Variants in MARCHF8 observed in about 807,000 individuals in gnomAD.
MARCHF8 encodes membrane associated ring-CH-type finger 8.
Under a neutral mutation model 51.6 loss-of-function variants are expected in MARCHF8, and 40 were observed. The observed-to-expected ratio is 0.77, with a 90% CI of 0.60 to 1.01. The LOEUF (loss-of-function observed/expected upper bound fraction) is 1.01. Among genes scored for constraint, MARCHF8 ranks in the 50% least tolerant of loss-of-function variants. MARCHF8 has a pLI of 0.00. For synonymous variants in MARCHF8, 263 were observed against 280.3 expected, an observed-to-expected ratio of 0.94 and a Z score of 0.62; for missense variants, 685 against 708.6, an observed-to-expected ratio of 0.97 and a Z score of 0.38.
chr10:45,478,992 A>G (rs545028599), intron 3 of MARCHF8, among the ~76,000 whole-genome samples: 2 of 152,366 alleles, frequency 1.3e-5, no homozygotes, highest in African/African-American at 4.8e-5. Flanking sequence ...TCCTTAACTC[A>G]TTCTACTAGA....
chr10:45,461,415 T>C lies in MARCHF8; in HGVS notation c.1089-4A>G. On this transcript the variant is annotated splice_region_variant and splice_polypyrimidine_tract_variant and intron_variant, in intron 5 of 7. Transcript: ENST00000453424. ...ATCTCCTTCACAGTGGCAGATCCTA[T>C]GGTGGAAGGAAAACCTGTCATTCCA... 1 of 1,542,410 alleles carries C rather than the reference T, an allele frequency of 6.5e-7. No homozygotes were observed. Among genetic ancestry groups the C allele is most frequent in the Non-Finnish European group, 8.7e-7 (1 of 1,145,520 alleles).
chr10:45,525,233 G>A (rs1310549481), intron 2 of MARCHF8, among the ~76,000 whole-genome samples: 3 of 152,262 alleles, frequency 2.0e-5, no homozygotes, highest in Admixed American at 2.0e-4. Context: ...TCCTGATGCT[G>A]CATGGTAAAA....
intron 5 of MARCHF8, 35 bp downstream of exon 5, chr10:45,463,116 G>A: frequency 6.5e-7 from 1 of 1,530,816 alleles, no homozygotes; most frequent in Non-Finnish European, 8.8e-7. Context: ...GATGCGAGCA[G>A]AGATGGCTAG....
intron 3 of MARCHF8, among the ~76,000 whole-genome samples, chr10:45,485,560 T>G (rs1342408072): frequency 6.6e-6 from 1 of 152,208 alleles, no homozygotes; most frequent in African/African-American, 2.4e-5. Context: ...CATAAACATC[T>G]CATCCAACCT....
intron 2 of MARCHF8, among the ~76,000 whole-genome samples, chr10:45,527,862 A>G (rs1461641552): frequency 1.3e-5 from 2 of 152,224 alleles, no homozygotes; most frequent in Non-Finnish European, 2.9e-5. Flanking sequence ...AGAAAATACT[A>G]GCAAACCAAA....
chr10:45,549,102 C>T (rs778102063), intron 1 of MARCHF8, among the ~76,000 whole-genome samples: 20 of 151,950 alleles, frequency 1.3e-4, no homozygotes, highest in Admixed American at 2.0e-4. Context: ...CTATAGATAA[C>T]GAAAGGGGGA....
intron 2 of MARCHF8, among the ~76,000 whole-genome samples, chr10:45,516,282 A>T (rs549136523): frequency 6.6e-6 from 1 of 152,282 alleles, no homozygotes; most frequent in East Asian, 1.9e-4. Flanking sequence ...GACACAAGAG[A>T]TCACTAAAAC....
At chr10:45,483,105 C>G (rs941473421) in intron 3 of MARCHF8, among the ~76,000 whole-genome samples, 15 of 152,056 alleles carry the variant, frequency 9.9e-5, no homozygotes, top group African/African-American at 3.4e-4. Flanking sequence ...GCTAAGACCC[C>G]AAAGCATAGG....
intron 2 of MARCHF8, among the ~76,000 whole-genome samples, chr10:45,496,934 A>G (rs940514565): frequency 5.3e-5 from 8 of 152,152 alleles, no homozygotes; most frequent in African/African-American, 1.9e-4. Flanking sequence ...ATGGCAAGAC[A>G]CATAGAAAAC....
In MARCHF8 at chr10:45,458,093, G is replaced by C; in HGVS notation, c.*146C>G. ...ACAGGAAGGTTTTCTAGGAGACTAA[G>C]GAGGGTTTAGAAAAAGAGAAGCCAC... On this transcript the variant is annotated 3_prime_UTR_variant, in exon 8 of 8. Transcript: ENST00000453424. 1 of 865,964 alleles carries C rather than the reference G, an allele frequency of 1.2e-6. No individual in the cohort carries two copies. Among genetic ancestry groups the C allele is most frequent in the Non-Finnish European group, 1.7e-6 (1 of 586,540 alleles). The allele number at this position is 865,964 out of a possible 1,614,324, so 53.6% of individuals were successfully genotyped here. A position where few individuals can be genotyped will look rare whatever the true frequency, so the allele number is the denominator to read the frequency against.
intron 2 of MARCHF8, among the ~76,000 whole-genome samples, chr10:45,505,522 A>C (rs1564490435): frequency 6.6e-6 from 1 of 152,214 alleles, no homozygotes; most frequent in East Asian, 1.9e-4. Flanking sequence ...TAAGCCAGAA[A>C]ACTTCTGTTT....
chr10:45,498,643 T>A (rs973158978), intron 2 of MARCHF8, among the ~76,000 whole-genome samples: 1 of 152,154 alleles, frequency 6.6e-6, no homozygotes, highest in Non-Finnish European at 1.5e-5. Context: ...ATCCAGCTAA[T>A]TTTTGTATTT....
chr10:45,472,481 C>T (rs754468856), intron 3 of MARCHF8, among the ~76,000 whole-genome samples: 1 of 152,136 alleles, frequency 6.6e-6, no homozygotes, highest in Non-Finnish European at 1.5e-5. Context: ...ATTACTGAGG[C>T]CCTCACAAAA....
intron 2 of MARCHF8, among the ~76,000 whole-genome samples, chr10:45,503,880 ATATAT>A (rs71515356): frequency 0.062 from 9,370 of 152,284 alleles, 328 homozygotes; most frequent in Non-Finnish European, 0.067. Flanking sequence ...GCAAAAGATC[ATATAT>A]TATATGATTC....
intron 6 of MARCHF8, among the ~76,000 whole-genome samples, 176 bp from the exon 7 acceptor site, chr10:45,459,443 G>A (rs747840295): frequency 6.6e-6 from 1 of 152,170 alleles, no homozygotes; most frequent in Non-Finnish European, 1.5e-5. Flanking sequence ...GGTACCAGGT[G>A]CAGCCAACTT....
At chr10:45,475,932 A>G (rs2042779320) in intron 3 of MARCHF8, among the ~76,000 whole-genome samples, 1 of 152,166 alleles carries the variant, frequency 6.6e-6, no homozygotes, top group African/African-American at 2.4e-5. Flanking sequence ...ATACCCTAAG[A>G]TACTGAGGAA....
In MARCHF8 at chr10:45,533,126, T is replaced by C; in HGVS notation, c.86A>G (p.Lys29Arg). The C allele has an allele frequency of 6.2e-7, 1 of 1,607,358 alleles. No homozygotes were observed. Among genetic ancestry groups the C allele is most frequent in the South Asian group, 1.1e-5 (1 of 89,528 alleles). The change falls in exon 2 of 8, where the codon AAG (lysine) becomes AGG (arginine). Residue 29 changes from lysine to arginine, a missense_variant. By Grantham distance (26) the Lys-to-Arg change is conservative. Coordinates refer to ENST00000453424, the MANE Select transcript of MARCHF8 (RefSeq NM_001282866.2). ...TCCCAGTACCTGTTCTTCCCTCTCC[T>C]TTTCTTTGGTCTTACTTCTGTAGAC... ...ARVYRSKTKE[K>R]EREEQNEKTL...
chr10:45,522,693 C>T (rs1376393526), intron 2 of MARCHF8, among the ~76,000 whole-genome samples: 1 of 152,194 alleles, frequency 6.6e-6, no homozygotes, highest in Non-Finnish European at 1.5e-5. Context: ...CAGTGTGAAT[C>T]CAACAGCAGT....
chr10:45,521,843 G>A (rs2043711133), intron 2 of MARCHF8, among the ~76,000 whole-genome samples: 1 of 152,100 alleles, frequency 6.6e-6, no homozygotes, highest in South Asian at 2.1e-4. Flanking sequence ...CCTTCACCTA[G>A]ATGCATCAAC....
Sources: allele counts gnomAD v4.1 joint callset (sites outside exome capture counted in the v4.1 genomes callset), GRCh38; gene constraint gnomAD v4.1.1; transcripts MANE v1.5; gene names NCBI Gene and HGNC (gene_info 2026-07-23, HGNC 2026-07-21).